The following EPG5 variants were observed in gnomAD, a reference collection of about 807,000 sequenced individuals.
EPG5 encodes ectopic P-granules 5 autophagy tethering factor.
A neutral mutation model predicts 302.7 loss-of-function variants in EPG5; 159 were observed. The observed-to-expected ratio is 0.53, with a 90% CI of 0.46 to 0.60. The LOEUF is 0.60. Ranked by LOEUF, EPG5 falls within the 20% of genes least tolerant of loss-of-function variation. The probability of loss-of-function intolerance (pLI) is 0.00; values close to 1 mark genes in which losing one functional copy is unlikely to be tolerated. For synonymous variants in EPG5, 1,158 were observed against 1,136.8 expected (o/e 1.02, Z -0.37); for missense variants, 2,896 against 3,092.4 (o/e 0.94, Z 1.51).
Position 45,857,839 on chromosome 18 carries a change from A to C in EPG5, c.7442+14T>G, listed in dbSNP as rs1599424239. 3 of 1,609,740 alleles carry C rather than the reference A, an allele frequency of 1.9e-6. No homozygotes were observed. In the East Asian group the frequency reaches 6.7e-5, roughly 36 times the overall value. On this transcript the variant is annotated intron_variant, in intron 42 of 43. Coordinates refer to ENST00000282041, the MANE Select transcript of EPG5 (RefSeq NM_020964.3). ...CCTATTTAGAACAACAGTGTTAGAA[A>C]GGCGCTTCCTTACCTGTTAGACAAA...
In EPG5 at chr18:45,922,506, T is replaced by C; in HGVS notation, c.2933A>G (p.His978Arg). Residue 978 changes from histidine (H) to arginine (R), a missense_variant, in exon 16 of 44, where the codon CAC becomes CGC. Physicochemically the swap from His to Arg is conservative, Grantham distance 29 (BLOSUM62 0). Transcript: ENST00000282041. ...CGGCTGTATTCCATAATCGTTTTTG[T>C]GCAGTTTTAGCCTCAAGATTAAATT... ...AWNLILRLKLHKNDYGIQPNC... is the reference protein window; with the variant it reads ...AWNLILRLKLRKNDYGIQPNC... 1.9e-6 allele frequency: 3 copies of C among 1,614,236 alleles called. No individual in the cohort carries two copies. The highest frequency in any genetic ancestry group is 1.7e-6 in the Non-Finnish European group (2 of 1,180,052).
the EPG5 span, chr18:45,829,212 C>G: frequency 6.4e-6 from 6 of 942,192 alleles, no homozygotes; most frequent in African/African-American, 1.8e-5. Flanking sequence ...ACGCCACAGT[C>G]AGCCTGCGGC....
rs376539745 is a variant in EPG5, at chr18:45,953,833, T to C, written c.1008+561A>G. On this transcript the variant is annotated intron_variant, in intron 2 of 43. Transcript: ENST00000282041. Reference sequence around the variant, plus strand: ...CATCCCCACTCAATGGGGAAGACCATTGGATGCAACCCCATGGAGGCCAAA... The same window carrying C: ...CATCCCCACTCAATGGGGAAGACCACTGGATGCAACCCCATGGAGGCCAAA... 131 of 985,180 alleles carry C rather than the reference T, an allele frequency of 1.3e-4. No individual in the cohort carries two copies. In the South Asian group the frequency reaches 4.1e-3, roughly 31 times the overall value. 61.0% of individuals were successfully genotyped at this position (985,180 alleles called of 1,614,324 possible). A position where few individuals can be genotyped will look rare whatever the true frequency, so the allele number is the denominator to read the frequency against.
At position 45,922,090 on chromosome 18, in the gene EPG5, A is replaced by G. The variant is rs150071752; in HGVS notation, c.3098+251T>C. ...ACAGTACGAATCTACTGCTGACACG[A>G]ACATTCCACTCCAGGAGACAAGCAG... On this transcript the variant is annotated intron_variant, in intron 16 of 43. Coordinates refer to ENST00000282041, the MANE Select transcript of EPG5 (RefSeq NM_020964.3). 6.2e-3 allele frequency among the ~76,000 whole-genome samples: 941 copies of G among 152,270 alleles called. 9 individuals carry two copies. Among genetic ancestry groups the G allele is most frequent in the African/African-American group, 0.021 (862 of 41,560 alleles).
At position 45,909,377 on chromosome 18, in the gene EPG5, A is replaced by G. The variant is rs2049839450; in HGVS notation, c.4205+1144T>C. Among the ~76,000 whole-genome samples the G allele has an allele frequency of 1.3e-5, 2 of 152,254 alleles. 1 individual carries two copies. Among genetic ancestry groups the G allele is most frequent in the South Asian group, 4.1e-4 (2 of 4,836 alleles). ...GTCCACTGGTTAAGGCTGGTTAAAA[A>G]TAAGTTCTCCTTCAACAAGCAACAT... On this transcript the variant is annotated intron_variant, in intron 23 of 43. Transcript: ENST00000282041.
the EPG5 span, chr18:45,837,647 G>A: frequency 1.3e-6 from 2 of 1,506,442 alleles, no homozygotes; most frequent in South Asian, 2.5e-5. Flanking sequence ...CATCTGGCGC[G>A]CGGGCGAGCC....
intron 20 of EPG5, among the ~76,000 whole-genome samples, chr18:45,914,473 C>T (rs1011704431): frequency 2.0e-5 from 3 of 152,174 alleles, no homozygotes; most frequent in African/African-American, 7.2e-5. Flanking sequence ...ATTTTATACA[C>T]AAAGTCTAAG....
At chr18:45,820,047 C>T in the EPG5 span, among the ~76,000 whole-genome samples, 3 of 152,148 alleles carry the variant, frequency 2.0e-5, no homozygotes, top group Non-Finnish European at 4.4e-5. Context: ...CCAGTTTCAC[C>T]CCCATCTGGT....
rs1357296769 is a variant in EPG5, at chr18:45,847,883, A to G, written c.*4584T>C. On this transcript the variant is annotated 3_prime_UTR_variant, in exon 44 of 44. Coordinates refer to ENST00000282041, the MANE Select transcript of EPG5 (RefSeq NM_020964.3). ...AACTATTGAAAGAAAAATAAATTCT[A>G]TCAGTGCTCAATGAGAGACAGTACA... 2.0e-5 allele frequency: 3 copies of G among 152,644 alleles called. No individual in the cohort carries two copies. Among genetic ancestry groups the G allele is most frequent in the Admixed American group, 2.0e-4 (3 of 15,278 alleles). The allele number at this position is 152,644 out of a possible 1,614,324, so 9.5% of individuals were successfully genotyped here. A position where few individuals can be genotyped will look rare whatever the true frequency, so the allele number is the denominator to read the frequency against.
In EPG5 at chr18:45,922,494, T is replaced by A; in HGVS notation, c.2945A>T (p.Tyr982Phe). 6.2e-7 allele frequency: 1 copy of A among 1,614,220 alleles called. No homozygotes were observed. Among genetic ancestry groups the A allele is most frequent in the Non-Finnish European group, 8.5e-7 (1 of 1,180,034 alleles). ...ILRLKLHKND[Y>F]GIQPNCPAVP... is the part of the protein sequence containing the mutation. Reference sequence around the variant, plus strand: ...AGCTGGACAATTCGGCTGTATTCCATAATCGTTTTTGTGCAGTTTTAGCCT... The same window carrying A: ...AGCTGGACAATTCGGCTGTATTCCAAAATCGTTTTTGTGCAGTTTTAGCCT... Residue 982 changes from tyrosine to phenylalanine, a missense_variant, in exon 16 of 44, where the codon TAT becomes TTT. Physicochemically the swap from Tyr to Phe is conservative, Grantham distance 22. Around this residue, in one of 5 missense-constraint regions of EPG5, gnomAD observed 1,390 missense variants for 1,430.0 expected, o/e 0.97. Coordinates refer to ENST00000282041, the MANE Select transcript of EPG5 (RefSeq NM_020964.3).
At chr18:45,853,282 C>G (rs1568089472) in intron 43 of EPG5, among the ~76,000 whole-genome samples, 1 of 152,226 alleles carries the variant, frequency 6.6e-6, no homozygotes, top group Non-Finnish European at 1.5e-5. Context: ...CCTCCCGAAT[C>G]CATCTGACAA....
intron 9 of EPG5, among the ~76,000 whole-genome samples, chr18:45,941,154 G>A (rs1162196546): frequency 1.3e-5 from 2 of 152,202 alleles, no homozygotes; most frequent in African/African-American, 4.8e-5. Context: ...AAGAAGCCTG[G>A]AAGTGAGAAT....
chr18:45,837,734 G>T, the EPG5 span: 7 of 1,506,892 alleles, frequency 4.6e-6, no homozygotes, highest in South Asian at 1.2e-5. Context: ...GAGCCTGCAC[G>T]GCCGCTTCCG....
the EPG5 span, chr18:45,842,084 T>C: frequency 6.2e-7 from 1 of 1,612,946 alleles, no homozygotes; most frequent in Non-Finnish European, 8.5e-7. Flanking sequence ...TGGATGATCA[T>C]TCAACTTTCT....
chr18:45,857,295 G>C (rs1208492701), intron 42 of EPG5, among the ~76,000 whole-genome samples: 1 of 152,040 alleles, frequency 6.6e-6, no homozygotes, highest in Non-Finnish European at 1.5e-5. Context: ...TTTTTTGGTA[G>C]AAACGGGGTT....
the EPG5 span, among the ~76,000 whole-genome samples, chr18:45,829,818 G>A: frequency 7.2e-4 from 109 of 152,184 alleles, no homozygotes; most frequent in African/African-American, 2.4e-3. Flanking sequence ...CTGGAGGCGT[G>A]GTCTTCCTAT....
chr18:45,904,689 A>C (rs1365185452), intron 24 of EPG5, among the ~76,000 whole-genome samples: 1 of 152,194 alleles, frequency 6.6e-6, no homozygotes, highest in Non-Finnish European at 1.5e-5. Flanking sequence ...TATAAGACAT[A>C]TCAACCAATC....
intron 9 of EPG5, among the ~76,000 whole-genome samples, chr18:45,941,522 G>A (rs2050667868): frequency 6.6e-6 from 1 of 152,074 alleles, no homozygotes; most frequent in South Asian, 2.1e-4. Context: ...GGTATGAGAA[G>A]AATCTGCACT....
At chr18:45,820,749 C>G in the EPG5 span, among the ~76,000 whole-genome samples, 1 of 152,186 alleles carries the variant, frequency 6.6e-6, no homozygotes, top group Non-Finnish European at 1.5e-5. Context: ...TGTTCCAACC[C>G]TTCCTTACCT....
Sources: gnomAD v4.1 joint callset for allele counts (sites outside exome capture counted in the v4.1 genomes callset) on GRCh38, gnomAD v4.1.1 for gene constraint, gnomAD v4.1.1 regional missense constraint, MANE v1.5 for transcripts, NCBI Gene and HGNC (gene_info 2026-07-23, HGNC 2026-07-21) for gene names.